Variants in ADD1 observed in about 807,000 individuals in gnomAD.
ADD1 encodes alpha-adducin.
Under a neutral mutation model 80.5 loss-of-function variants are expected in ADD1, and 24 were observed. The observed-to-expected ratio is 0.30, with a 90% CI of 0.22 to 0.42. ADD1 has a LOEUF of 0.42. Ranked by LOEUF, ADD1 falls within the 10% of genes least tolerant of loss-of-function variation. The pLI is 1.00. For missense variants in ADD1, 948 were observed against 1,019.0 expected, an observed-to-expected ratio of 0.93 and a Z score of 0.95; for synonymous variants, 373 against 393.8, an observed-to-expected ratio of 0.95 and a Z score of 0.63.
At chr4:2,876,975 C>T (rs1392986261) in intron 2 of ADD1, among the ~76,000 whole-genome samples, 3 of 149,410 alleles carry the variant, frequency 2.0e-5, no homozygotes, top group African/African-American at 5.0e-5. Flanking sequence ...GCACTCCAGC[C>T]TGGGCAACAG....
At chr4:2,916,215 G>A (rs1259191091) in intron 14 of ADD1, among the ~76,000 whole-genome samples, 1 of 148,058 alleles carries the variant, frequency 6.8e-6, no homozygotes, top group Non-Finnish European at 1.5e-5. Context: ...TATTATTTTT[G>A]AGATGAAGTC....
chr4:2,904,257 C>T (rs1194456070), intron 9 of ADD1, among the ~76,000 whole-genome samples: 2 of 152,162 alleles, frequency 1.3e-5, no homozygotes, highest in Non-Finnish European at 2.9e-5. Flanking sequence ...GTAGCAGCAC[C>T]TCAGAACACC....
At chr4:2,854,604 G>A (rs1429356655) in intron 1 of ADD1, among the ~76,000 whole-genome samples, 1 of 152,066 alleles carries the variant, frequency 6.6e-6, no homozygotes, top group Non-Finnish European at 1.5e-5. Flanking sequence ...TCTTCCTGTT[G>A]AGCTGTACTT....
At chr4:2,876,273 A>G (rs1731279104) in intron 2 of ADD1, 163 bp downstream of exon 2, 1 of 549,590 alleles carries the variant, frequency 1.8e-6, no homozygotes, top group African/African-American at 1.9e-5. Context: ...AGTTCAGTTC[A>G]TGTTATCAGA....
chr4:2,873,822 T>C (rs1730832082), intron 1 of ADD1, among the ~76,000 whole-genome samples: 1 of 152,246 alleles, frequency 6.6e-6, no homozygotes, highest in African/African-American at 2.4e-5. Flanking sequence ...CTTATTGTTT[T>C]GTTCTTTGGT....
rs537093971 is a variant in ADD1 at position 2,881,775 on chromosome 4, T to C, written c.196-123T>C. The C allele has an allele frequency of 4.6e-6, 3 of 651,902 alleles. No homozygotes were observed. In the Admixed American group the frequency reaches 1.1e-4, roughly 24 times the overall value. 40.4% of individuals were successfully genotyped at this position (651,902 alleles called of 1,614,324 possible). On this transcript the variant is annotated intron_variant, in intron 2 of 15. Transcript: ENST00000683351. ...TATTCTCAGCAGTAATGTGTGAGAA[T>C]ATCCGTTTGCCTTTCCAGCACTGGA...
intron 4 of ADD1, among the ~76,000 whole-genome samples, chr4:2,888,582 A>G (rs1156750899): frequency 6.8e-6 from 1 of 146,394 alleles, no homozygotes; most frequent in East Asian, 2.1e-4. Context: ...CACACAGCTA[A>G]TTTTTTTGTA....
At chr4:2,850,305 T>C (rs1172117701) in intron 1 of ADD1, among the ~76,000 whole-genome samples, 1 of 152,274 alleles carries the variant, frequency 6.6e-6, no homozygotes, top group Non-Finnish European at 1.5e-5. Flanking sequence ...TCTCACTCTC[T>C]TGCCCAGGCT....
chr4:2,870,232 C>T (rs1052655042), intron 1 of ADD1, among the ~76,000 whole-genome samples: 1 of 152,116 alleles, frequency 6.6e-6, no homozygotes, highest in African/African-American at 2.4e-5. Context: ...GGTATCTGAC[C>T]TGAGGTTTAG....
At chr4:2,907,594 T>G in intron 10 of ADD1, 149 bp from the exon 11 acceptor site, 1 of 693,128 alleles carries the variant, frequency 1.4e-6, no homozygotes. Flanking sequence ...GCGACTCTGC[T>G]GAGTGACCCA....
At chr4:2,915,894 AGTG>A (rs1200527332) in intron 14 of ADD1, among the ~76,000 whole-genome samples, 4 of 152,156 alleles carry the variant, frequency 2.6e-5, no homozygotes, top group African/African-American at 9.6e-5. Flanking sequence ...GTGGAGGACT[AGTG>A]GTGGCCACTC....
intron 14 of ADD1, among the ~76,000 whole-genome samples, chr4:2,916,566 G>A (rs1739115673): frequency 6.6e-6 from 1 of 151,908 alleles, no homozygotes; most frequent in Admixed American, 6.6e-5. Context: ...TAAGTTTTGG[G>A]ATACATGTAC....
At chr4:2,867,218 G>C (rs572335872) in intron 1 of ADD1, among the ~76,000 whole-genome samples, 1 of 152,190 alleles carries the variant, frequency 6.6e-6, no homozygotes, top group Non-Finnish European at 1.5e-5. Context: ...TAGACAATTC[G>C]TGGTCACTTT....
chr4:2,903,946 G>A (rs561889025), intron 9 of ADD1, among the ~76,000 whole-genome samples: 1 of 152,308 alleles, frequency 6.6e-6, no homozygotes, highest in East Asian at 1.9e-4. Context: ...TTTGAATGTT[G>A]TTGTATTCAG....
At chr4:2,853,814 G>C (rs541334838) in intron 1 of ADD1, 2 of 152,068 alleles carry the variant, frequency 1.3e-5, no homozygotes, top group African/African-American at 4.8e-5. Context: ...ACATTGGCCA[G>C]GGTGGTCTTG....
chr4:2,891,644 G>T (rs1027525709), intron 4 of ADD1, among the ~76,000 whole-genome samples: 4 of 152,092 alleles, frequency 2.6e-5, no homozygotes, highest in Non-Finnish European at 5.9e-5. Context: ...GGTAGATGCC[G>T]TTTATTGCGA....
chr4:2,847,396 G>A (rs1193477700), intron 1 of ADD1, among the ~76,000 whole-genome samples: 2 of 101,396 alleles, frequency 2.0e-5, no homozygotes, highest in Non-Finnish European at 3.9e-5. Flanking sequence ...CAACAAAAGC[G>A]AAACTCCGTC....
intron 1 of ADD1, among the ~76,000 whole-genome samples, chr4:2,866,050 C>A (rs947093277): frequency 6.6e-6 from 1 of 152,202 alleles, no homozygotes. Context: ...AAAATTATTT[C>A]TAGATTCACT....
At chr4:2,923,630 A>G (rs1453032358) in intron 14 of ADD1, among the ~76,000 whole-genome samples, 2 of 152,186 alleles carry the variant, frequency 1.3e-5, no homozygotes, top group Non-Finnish European at 2.9e-5. Context: ...CGAACACAGT[A>G]TTTCTGTCTG....
Sources: gnomAD v4.1 joint callset for allele counts (sites outside exome capture counted in the v4.1 genomes callset) on GRCh38, gnomAD v4.1.1 for gene constraint, MANE v1.5 for transcripts, NCBI Gene and HGNC (gene_info 2026-07-23, HGNC 2026-07-21) for gene names.